The following TMEM71 variants were observed in gnomAD, a reference collection of about 807,000 sequenced individuals.
TMEM71 encodes the protein transmembrane protein 71.
TMEM71 carries 44 observed loss-of-function variants against 38.0 expected under a neutral mutation model. That is an observed-to-expected ratio of 1.16 (90% CI 0.91 to 1.49). TMEM71 has a LOEUF of 1.49. Among genes scored for constraint, TMEM71 ranks in the 40% most tolerant of loss-of-function variants. TMEM71 has a pLI of 0.00. For missense variants in TMEM71, 367 were observed against 348.6 expected, an observed-to-expected ratio of 1.05 and a Z score of -0.42; for synonymous variants, 133 against 122.5, an observed-to-expected ratio of 1.09 and a Z score of -0.56.
chr8:132,772,059 T>A, the TMEM71 span, among the ~76,000 whole-genome samples: 2 of 152,214 alleles, frequency 1.3e-5, no homozygotes, highest in South Asian at 4.1e-4. Flanking sequence ...AAACTTGAAC[T>A]GCTTTGATTT....
chr8:132,763,448 T>C (rs1358269791), upstream of TMEM71, among the ~76,000 whole-genome samples: 1 of 152,196 alleles, frequency 6.6e-6, no homozygotes, highest in East Asian at 1.9e-4. Flanking sequence ...CTGCATGTTA[T>C]AAATCAATGT....
intron 5 of TMEM71, among the ~76,000 whole-genome samples, chr8:132,744,091 C>A (rs1208350649): frequency 1.3e-5 from 2 of 151,928 alleles, no homozygotes; most frequent in African/African-American, 2.4e-5. Flanking sequence ...AAGAGCTGAA[C>A]CACAGTCCCT....
intron 5 of TMEM71, among the ~76,000 whole-genome samples, chr8:132,741,594 A>C (rs1212707163): frequency 2.6e-5 from 4 of 151,126 alleles, no homozygotes; most frequent in African/African-American, 9.7e-5. Context: ...CCTGCCTGGC[A>C]GCCGAGGCAG....
intron 7 of TMEM71, among the ~76,000 whole-genome samples, chr8:132,716,142 T>C (rs1826515750): frequency 6.6e-6 from 1 of 152,180 alleles, no homozygotes; most frequent in Non-Finnish European, 1.5e-5. Context: ...ATCCCTGCAC[T>C]CTTGGGGGCC....
At chr8:132,745,165 A>T (rs1208164986) in intron 5 of TMEM71, among the ~76,000 whole-genome samples, 1 of 152,210 alleles carries the variant, frequency 6.6e-6, no homozygotes, top group Non-Finnish European at 1.5e-5. Context: ...CAAAAACAAA[A>T]ATTGACAAAT....
At chr8:132,735,305 G>GA (rs1827686682) in intron 5 of TMEM71, among the ~76,000 whole-genome samples, 1 of 152,194 alleles carries the variant, frequency 6.6e-6, no homozygotes, top group African/African-American at 2.4e-5. Context: ...CCTCTTGCCT[G>GA]AAAAATGAAG....
In TMEM71 at chr8:132,727,910, G is replaced by C. The variant is rs761742340; in HGVS notation, c.564C>G (p.Ser188=). The change falls in exon 6 of 10, where the codon TCC becomes TCG. Residue 188 remains serine, a synonymous_variant. Coordinates refer to ENST00000677595, the MANE Select transcript of TMEM71 (RefSeq NM_001382403.1). ...GCTGAGATATGATGTGGCTGGAAGAGGAGGTGATCACAGACTCTGCATTCA... is the reference window on the plus strand; with the variant it reads ...GCTGAGATATGATGTGGCTGGAAGACGAGGTGATCACAGACTCTGCATTCA... ...GKMNAESVIT[S]SSSHIISQPP... 3.1e-6 allele frequency: 5 copies of C among 1,614,130 alleles called. No homozygotes were observed. Among genetic ancestry groups the C allele is most frequent in the Admixed American group, 3.3e-5 (2 of 60,012 alleles).
At chr8:132,749,194 T>C (rs1828556292) in intron 4 of TMEM71, among the ~76,000 whole-genome samples, 1 of 152,164 alleles carries the variant, frequency 6.6e-6, no homozygotes, top group Non-Finnish European at 1.5e-5. Context: ...TAGCCTGGCC[T>C]GGGGAATGTA....
the TMEM71 span, among the ~76,000 whole-genome samples, chr8:132,766,174 G>A: frequency 6.6e-6 from 1 of 152,138 alleles, no homozygotes; most frequent in Non-Finnish European, 1.5e-5. Context: ...CCCCTTGTGA[G>A]GGACTTCCCT....
chr8:132,757,325 G>A (rs1484078527), intron 2 of TMEM71, 31 bp from the exon 3 acceptor site: 1 of 1,511,988 alleles, frequency 6.6e-7, no homozygotes, highest in Non-Finnish European at 9.2e-7. Context: ...GAAGTAGAAT[G>A]TATCATACCT....
chr8:132,752,540 C>T (rs1383702724), intron 3 of TMEM71, among the ~76,000 whole-genome samples: 3 of 152,084 alleles, frequency 2.0e-5, no homozygotes, highest in African/African-American at 7.2e-5. Flanking sequence ...CCCATAATTC[C>T]TTGAGTAAAT....
intron 5 of TMEM71, among the ~76,000 whole-genome samples, chr8:132,728,937 A>G (rs908102221): frequency 6.6e-6 from 1 of 152,236 alleles, no homozygotes; most frequent in African/African-American, 2.4e-5. Context: ...AAATATAGCA[A>G]CCATCTGTTT....
At position 132,726,939 on chromosome 8, in the gene TMEM71, T is replaced by G. The variant is rs182850649; in HGVS notation, c.676+859A>C. ...CGAGTGATCTCGACTCACTGCAACCTCCACCTCCCAGGTTCAAGTGACTCT... is the reference window on the plus strand; with the variant it reads ...CGAGTGATCTCGACTCACTGCAACCGCCACCTCCCAGGTTCAAGTGACTCT... On this transcript the variant is annotated intron_variant, in intron 6 of 9. Transcript: ENST00000677595. Among the ~76,000 whole-genome samples the G allele has an allele frequency of 9.5e-3, 1,434 of 150,420 alleles. 31 individuals are homozygous for G. The highest frequency in any genetic ancestry group is 0.033 in the African/African-American group (1,352 of 40,676).
Position 132,751,685 on chromosome 8 carries a change from T to C in TMEM71, c.314+100A>G, listed in dbSNP as rs935175260. 5.2e-6 allele frequency: 6 copies of C among 1,151,410 alleles called. No individual in the cohort carries two copies. In the Admixed American group the frequency reaches 1.1e-4, roughly 21 times the overall value. The allele number at this position is 1,151,410 out of a possible 1,614,324, so 71.3% of individuals were successfully genotyped here. ...GTATTTCCACAGTCTGGAGCAATAA[T>C]GGGCTCCTTATAAAAGATAGTTGAG... On this transcript the variant is annotated intron_variant, in intron 4 of 9. Coordinates refer to ENST00000677595, the MANE Select transcript of TMEM71 (RefSeq NM_001382403.1).
Position 132,750,780 on chromosome 8 carries a change from C to T in TMEM71, c.314+1005G>A, listed in dbSNP as rs555266577. On this transcript the variant is annotated intron_variant, in intron 4 of 9. Transcript: ENST00000677595. ...TCTTCTTTCCTCAGACATGCCCGTC[C>T]TTTCTTTCTGATCTTGGTAAATTGT... Among the ~76,000 whole-genome samples, 5 of 152,254 alleles carry T rather than the reference C, an allele frequency of 3.3e-5. No homozygotes were observed. The East Asian group carries it at 7.7e-4, about 24-fold the overall frequency.
In TMEM71 at chr8:132,727,989, G is replaced by A. The variant is rs1827245627; in HGVS notation, c.488-3C>T. ...AGAAGAACAGTCTAAATCATCTGCTGAAAAAGCAGAGGGGTTCAGTGTGAG... is the reference window on the plus strand; with the variant it reads ...AGAAGAACAGTCTAAATCATCTGCTAAAAAAGCAGAGGGGTTCAGTGTGAG... On this transcript the variant is annotated splice_polypyrimidine_tract_variant and splice_region_variant and intron_variant, in intron 5 of 9. Coordinates refer to ENST00000677595, the MANE Select transcript of TMEM71 (RefSeq NM_001382403.1). 1 of 1,602,250 alleles carries A rather than the reference G, an allele frequency of 6.2e-7. No individual in the cohort carries two copies. The highest frequency in any genetic ancestry group is 1.1e-5 in the South Asian group (1 of 89,710).
intron 5 of TMEM71, among the ~76,000 whole-genome samples, chr8:132,744,679 A>G (rs1248128360): frequency 6.6e-6 from 1 of 152,162 alleles, no homozygotes; most frequent in Non-Finnish European, 1.5e-5. Flanking sequence ...TGGAAAAACT[A>G]TTTAAATTTC....
At chr8:132,727,489 C>T (rs921551537) in intron 6 of TMEM71, among the ~76,000 whole-genome samples, 2 of 152,122 alleles carry the variant, frequency 1.3e-5, no homozygotes, top group East Asian at 1.9e-4. Context: ...ATCTCCTGAC[C>T]TTGTGATCCG....
intron 6 of TMEM71, among the ~76,000 whole-genome samples, chr8:132,727,525 G>A (rs1441842908): frequency 9.9e-5 from 15 of 152,092 alleles, no homozygotes. Flanking sequence ...CAAAGTGCTG[G>A]GATTACAGGC....
Sources: gnomAD v4.1 joint callset for allele counts (sites outside exome capture counted in the v4.1 genomes callset) on GRCh38, gnomAD v4.1.1 for gene constraint, MANE v1.5 for transcripts, NCBI Gene and HGNC (gene_info 2026-07-23, HGNC 2026-07-21) for gene names.